THADA: variants seen among roughly 807,000 people sequenced by gnomAD.
THADA encodes the protein tRNA (32-2'-O)-methyltransferase regulator THADA.
Under a neutral mutation model 219.8 loss-of-function variants are expected in THADA, and 213 were observed. The ratio of observed to expected loss-of-function variants is 0.97; its 90% CI spans 0.87 to 1.09. THADA has a LOEUF of 1.09. THADA is among the 50% of genes least tolerant of loss of function. The pLI, the probability that THADA is intolerant of heterozygous loss-of-function variation, is 0.00. For missense variants in THADA, 2,956 were observed against 2,311.3 expected, an observed-to-expected ratio of 1.28 and a Z score of -5.72; for synonymous variants, 1,018 against 828.9, an observed-to-expected ratio of 1.23 and a Z score of -3.92.
intron 18 of THADA, 51 bp from the exon 19 acceptor site, chr2:43,551,976 T>TA: frequency 3.2e-6 from 5 of 1,580,836 alleles, no homozygotes; most frequent in Non-Finnish European, 4.3e-6. Flanking sequence ...AATCACATTT[T>TA]AAAAATGAAA....
Position 43,591,800 on chromosome 2 carries a change from T to G in THADA, c.171+152A>C, listed in dbSNP as rs559934723. On this transcript the variant is annotated intron_variant, in intron 3 of 37. Transcript: ENST00000405975. Reference sequence around the variant, plus strand: ...TATTGCTGCTTTGAATACAAGGATATTATACAATAAACAGAAAAAAAAAAA... The same window carrying G: ...TATTGCTGCTTTGAATACAAGGATAGTATACAATAAACAGAAAAAAAAAAA... Among the ~76,000 whole-genome samples, 223 of 141,254 alleles carry G rather than the reference T, an allele frequency of 1.6e-3. 2 individuals carry two copies. The South Asian group carries it at 0.017, about 11-fold the overall frequency. 92.7% of individuals were successfully genotyped at this position (141,254 alleles called of 152,430 possible). A position where few individuals can be genotyped will look rare whatever the true frequency, so the allele number is the denominator to read the frequency against.
intron 26 of THADA, among the ~76,000 whole-genome samples, chr2:43,436,055 C>G (rs758997870): frequency 6.6e-6 from 1 of 152,096 alleles, no homozygotes; most frequent in Admixed American, 6.6e-5. Context: ...AAGATAATGA[C>G]TACTTGCTTG....
chr2:43,592,444 A>C, intron 1 of THADA, 28 bp from the exon 2 acceptor site: 1 of 1,340,602 alleles, frequency 7.5e-7, no homozygotes, highest in Admixed American at 2.1e-5. Flanking sequence ...TTAAGGCATT[A>C]ATGTAAGGTT....
rs191945814 is a variant in THADA at position 43,324,770 on chromosome 2, C to T, written c.4344-4230G>A. ...GGGAACAAAATCCCGAAGAGCAGCA[C>T]GCCAGCTGGACAGGAAACTAAGCCA... On this transcript the variant is annotated intron_variant, in intron 30 of 37. Transcript: ENST00000405975. Among the ~76,000 whole-genome samples the T allele has an allele frequency of 1.4e-3, 209 of 152,182 alleles. 1 individual carries two copies. The highest frequency in any genetic ancestry group is 2.6e-3 in the Non-Finnish European group (177 of 68,008).
At chr2:43,276,804 T>C (rs1481287158) in intron 36 of THADA, among the ~76,000 whole-genome samples, 1 of 152,130 alleles carries the variant, frequency 6.6e-6, no homozygotes, top group Admixed American at 6.5e-5. Flanking sequence ...CCCGATTTCC[T>C]GGTAGTTTCA....
intron 29 of THADA, among the ~76,000 whole-genome samples, chr2:43,367,650 C>T (rs113817158): frequency 2.0e-5 from 3 of 152,134 alleles, no homozygotes; most frequent in African/African-American, 7.2e-5. Context: ...AGGCAAGGTA[C>T]AAGATTGTAG....
intron 29 of THADA, chr2:43,372,352 A>G (rs1670903774): frequency 6.6e-6 from 1 of 152,234 alleles, no homozygotes; most frequent in Non-Finnish European, 1.5e-5. Context: ...AATAAACATC[A>G]CGGAGGAAGG....
At chr2:43,534,054 C>T (rs1327000452) in intron 21 of THADA, among the ~76,000 whole-genome samples, 2 of 151,996 alleles carry the variant, frequency 1.3e-5, no homozygotes. Flanking sequence ...TTTTATAGCC[C>T]AGCAAGATAA....
At chr2:43,278,930 T>C (rs1205999688) in intron 36 of THADA, among the ~76,000 whole-genome samples, 1 of 152,172 alleles carries the variant, frequency 6.6e-6, no homozygotes, top group African/African-American at 2.4e-5. Context: ...CTCAAAACAG[T>C]GTTCTTGCTT....
intron 16 of THADA, among the ~76,000 whole-genome samples, chr2:43,559,971 A>T (rs1261514744): frequency 6.6e-6 from 1 of 152,172 alleles, no homozygotes; most frequent in Non-Finnish European, 1.5e-5. Context: ...TAAACAATAA[A>T]ACCTACCACC....
chr2:43,386,465 G>A (rs1487975070), intron 29 of THADA, among the ~76,000 whole-genome samples: 1 of 151,926 alleles, frequency 6.6e-6, no homozygotes, highest in Non-Finnish European at 1.5e-5. Context: ...GCAATAATAA[G>A]GATATGCTTT....
At chr2:43,515,538 A>G (rs954205163) in intron 22 of THADA, among the ~76,000 whole-genome samples, 2 of 148,352 alleles carry the variant, frequency 1.3e-5, no homozygotes, top group African/African-American at 5.0e-5. Flanking sequence ...GTGTGTGTAT[A>G]TACATAACGA....
At position 43,386,844 on chromosome 2, in the gene THADA, G is replaced by A. The variant is rs548113691; in HGVS notation, c.4227+11127C>T. Among the ~76,000 whole-genome samples, 5 of 149,560 alleles carry A rather than the reference G, an allele frequency of 3.3e-5. No homozygotes were observed. In the South Asian group the frequency reaches 1.1e-3, roughly 32 times the overall value. ...ACCCGGGAGGCAGAGGTTGCAGTGA[G>A]CCGAGAGCATGCCACTGCACTCTCG... On this transcript the variant is annotated intron_variant, in intron 29 of 37. Coordinates refer to ENST00000405975, the MANE Select transcript of THADA (RefSeq NM_022065.5).
chr2:43,239,514 T>C (rs566140397), intron 36 of THADA, among the ~76,000 whole-genome samples: 19 of 152,356 alleles, frequency 1.2e-4, no homozygotes, highest in African/African-American at 4.3e-4. Flanking sequence ...GACTTTGAGG[T>C]TGCTTTCAAC....
Position 43,591,700 on chromosome 2 carries a change from CAA to C in THADA, c.171+250_171+251del, listed in dbSNP as rs540834677. Among the ~76,000 whole-genome samples, 257 of 152,154 alleles carry C rather than the reference CAA, an allele frequency of 1.7e-3. 1 individual carries two copies. The highest frequency in any genetic ancestry group is 5.8e-3 in the African/African-American group (239 of 41,526). ...TCATATATTTTAAAATTTATCTCCACAAAAGAGGTATGCACATTATCTTCTAC... is the reference window on the plus strand; with the variant it reads ...TCATATATTTTAAAATTTATCTCCACAAGAGGTATGCACATTATCTTCTAC... On this transcript the variant is annotated intron_variant, in intron 3 of 37. Transcript: ENST00000405975.
rs188922594 is a variant in THADA, at chr2:43,530,153, T to A, written c.3265-2165A>T. ...AAAAAGCAGTATATAATAATTTTTT[T>A]AAAAAAAATTCTAACTCTTTAGTAT... is the stretch of plus-strand genomic sequence containing the variant. On this transcript the variant is annotated intron_variant, in intron 21 of 37. Coordinates refer to ENST00000405975, the MANE Select transcript of THADA (RefSeq NM_022065.5). 2.2e-3 allele frequency among the ~76,000 whole-genome samples: 330 copies of A among 152,164 alleles called. 3 individuals are homozygous for A. The South Asian group carries it at 0.031, about 14-fold the overall frequency.
chr2:43,323,708 T>G (rs1483579312), intron 30 of THADA, among the ~76,000 whole-genome samples: 1 of 152,090 alleles, frequency 6.6e-6, no homozygotes, highest in African/African-American at 2.4e-5. Context: ...CAGAATAGGA[T>G]GTAAGGAGTT....
At chr2:43,491,577 T>C (rs1687643154) in intron 25 of THADA, among the ~76,000 whole-genome samples, 1 of 152,194 alleles carries the variant, frequency 6.6e-6, no homozygotes, top group African/African-American at 2.4e-5. Context: ...ATACAAATAA[T>C]TAACACTGTG....
At position 43,515,020 on chromosome 2, in the gene THADA, T is replaced by A. The variant is rs1292085314; in HGVS notation, c.3375-6240A>T. Among the ~76,000 whole-genome samples, 3 of 58,894 alleles carry A rather than the reference T, an allele frequency of 5.1e-5. 1 individual carries two copies. Among genetic ancestry groups the A allele is most frequent in the Non-Finnish European group, 8.3e-5 (3 of 36,026 alleles). 38.6% of individuals were successfully genotyped at this position (58,894 alleles called of 152,430 possible). A position where few individuals can be genotyped will look rare whatever the true frequency, so the allele number is the denominator to read the frequency against. On this transcript the variant is annotated intron_variant, in intron 22 of 37. Coordinates refer to ENST00000405975, the MANE Select transcript of THADA (RefSeq NM_022065.5). ...ATATAATATTATATATATTATATATTTTATATATAATATATATAAATATAT... is the reference window on the plus strand; with the variant it reads ...ATATAATATTATATATATTATATATATTATATATAATATATATAAATATAT...
Sources: gnomAD v4.1 joint callset for allele counts (sites outside exome capture counted in the v4.1 genomes callset) on GRCh38, gnomAD v4.1.1 for gene constraint, MANE v1.5 for transcripts, NCBI Gene and HGNC (gene_info 2026-07-23, HGNC 2026-07-21) for gene names.